TRAK1: variants seen among roughly 807,000 people sequenced by gnomAD.
TRAK1 encodes trafficking kinesin protein 1, also known as trafficking kinesin-binding protein 1.
Under a neutral mutation model 92.1 loss-of-function variants are expected in TRAK1, and 33 were observed. The ratio of observed to expected loss-of-function variants is 0.36; its 90% CI spans 0.27 to 0.48. The LOEUF is 0.48. Ranked by LOEUF, TRAK1 falls within the 20% of genes least tolerant of loss-of-function variation. TRAK1 has a pLI of 0.99. For synonymous variants in TRAK1, 521 were observed against 517.3 expected, an observed-to-expected ratio of 1.01 and a Z score of -0.10; for missense variants, 1,123 against 1,257.9, an observed-to-expected ratio of 0.89 and a Z score of 1.62.
At chr3:42,094,778 A>G (rs1006273626) in intron 1 of TRAK1, among the ~76,000 whole-genome samples, 1 of 152,232 alleles carries the variant, frequency 6.6e-6, no homozygotes, top group African/African-American at 2.4e-5. Flanking sequence ...ATCGAAATGT[A>G]TTACAAGGAA....
chr3:42,220,619 C>A, intron 15 of TRAK1: 2 of 984,322 alleles, frequency 2.0e-6, no homozygotes, highest in Non-Finnish European at 2.4e-6. Flanking sequence ...AGTGCCTGCC[C>A]TGGCAGGGCC....
At chr3:42,095,332 G>A (rs1483935955) in intron 1 of TRAK1, among the ~76,000 whole-genome samples, 2 of 152,116 alleles carry the variant, frequency 1.3e-5, no homozygotes, top group African/African-American at 4.8e-5. Flanking sequence ...GGATCCTTGA[G>A]GTTTAGACCC....
At chr3:42,098,905 C>G (rs1338050969) in intron 1 of TRAK1, among the ~76,000 whole-genome samples, 1 of 151,978 alleles carries the variant, frequency 6.6e-6, no homozygotes, top group East Asian at 1.9e-4. Flanking sequence ...CCTTAGGCAC[C>G]AGCGTTGCTG....
chr3:42,119,724 C>G (rs1437692145), intron 1 of TRAK1, among the ~76,000 whole-genome samples: 10 of 152,138 alleles, frequency 6.6e-5, no homozygotes. Context: ...TCCTGTTAAC[C>G]AGGCATGTGG....
intron 14 of TRAK1, chr3:42,218,793 T>C: frequency 3.0e-6 from 3 of 985,414 alleles, no homozygotes; most frequent in Non-Finnish European, 3.6e-6. Context: ...AGAAAGCAGC[T>C]AGCAGCTAGG....
At chr3:42,103,560 T>TG (rs1450315703) in intron 1 of TRAK1, among the ~76,000 whole-genome samples, 1 of 152,102 alleles carries the variant, frequency 6.6e-6, no homozygotes, top group Non-Finnish European at 1.5e-5. Context: ...AGAGCAGTGG[T>TG]GGGGGATCGT....
At chr3:42,126,721 C>A (rs960627654) in intron 2 of TRAK1, among the ~76,000 whole-genome samples, 2 of 152,020 alleles carry the variant, frequency 1.3e-5, no homozygotes, top group Non-Finnish European at 2.9e-5. Context: ...TTAAAGATTT[C>A]TTGTAATTAT....
intron 1 of TRAK1, among the ~76,000 whole-genome samples, chr3:42,063,571 G>A (rs146114560): frequency 1.6e-4 from 24 of 152,046 alleles, no homozygotes; most frequent in East Asian, 5.8e-4. Flanking sequence ...CTGTAGCCCC[G>A]TCTCCTTGGG....
rs370481879 is a variant in TRAK1 at position 42,074,718 on chromosome 3, G to GTACA, written c.-518-12384_-518-12381dup. ...CCCAACTTTTATTTAGGTTCAGGTAGTACATGTATAGGTTTATTACATGGG... is the reference window on the plus strand; with the variant it reads ...CCCAACTTTTATTTAGGTTCAGGTAGTACATACATGTATAGGTTTATTACATGGG... On this transcript the variant is annotated intron_variant, in intron 1 of 16. Transcript: ENST00000487159. Among the ~76,000 whole-genome samples the GTACA allele has an allele frequency of 1.1e-3, 158 of 149,938 alleles. 3 individuals are homozygous for GTACA. The East Asian group carries it at 0.024, about 23-fold the overall frequency.
rs1422033958 is a variant in TRAK1 at position 42,051,401 on chromosome 3, T to C, written c.-518-35703T>C. ...AAGGTGAGGGTGGTGCAGATTTTTC[T>C]ATGGCGTTTCCTTTGATAATTCAGT... On this transcript the variant is annotated intron_variant, in intron 1 of 16. Transcript: ENST00000487159. The C allele has an allele frequency of 2.0e-5, 3 of 152,412 alleles. No homozygotes were observed. In the East Asian group the frequency reaches 5.8e-4, roughly 29 times the overall value. 9.4% of individuals were successfully genotyped at this position (152,412 alleles called of 1,614,324 possible).
chr3:42,106,632 T>C (rs1468423598), intron 1 of TRAK1, among the ~76,000 whole-genome samples: 1 of 152,380 alleles, frequency 6.6e-6, no homozygotes, highest in East Asian at 1.9e-4. Flanking sequence ...ATGTTGTATT[T>C]ATTTATTTGT....
intron 1 of TRAK1, among the ~76,000 whole-genome samples, chr3:42,054,403 G>A (rs1030598590): frequency 6.6e-6 from 1 of 152,144 alleles, no homozygotes; most frequent in African/African-American, 2.4e-5. Context: ...AGCCTTGCAA[G>A]CCAGAATCAG....
intron 1 of TRAK1, among the ~76,000 whole-genome samples, chr3:42,074,650 T>C (rs1704071085): frequency 6.6e-6 from 1 of 151,966 alleles, no homozygotes; most frequent in Non-Finnish European, 1.5e-5. Flanking sequence ...AAAATGCTTA[T>C]GATCCCAAGG....
At chr3:42,106,086 C>G (rs1206184838) in intron 1 of TRAK1, among the ~76,000 whole-genome samples, 1 of 152,182 alleles carries the variant, frequency 6.6e-6, no homozygotes, top group Non-Finnish European at 1.5e-5. Flanking sequence ...TAAAGACCAT[C>G]AATGCTAGGA....
At chr3:42,119,059 C>T (rs888461915) in intron 1 of TRAK1, among the ~76,000 whole-genome samples, 1 of 152,208 alleles carries the variant, frequency 6.6e-6, no homozygotes, top group Non-Finnish European at 1.5e-5. Context: ...TTCCCTTGTT[C>T]CATCACTCTT....
At chr3:42,087,135 A>T (rs1351454947), upstream of TRAK1, 1 of 152,686 alleles carries the variant, frequency 6.5e-6, no homozygotes, top group East Asian at 1.9e-4. Context: ...CTGGTGCACC[A>T]GAACTACCGG....
At chr3:42,144,287 A>G (rs1249564422) in intron 2 of TRAK1, among the ~76,000 whole-genome samples, 1 of 152,032 alleles carries the variant, frequency 6.6e-6, no homozygotes, top group East Asian at 1.9e-4. Flanking sequence ...AAGAAAGATT[A>G]GAGTGATGAA....
intron 2 of TRAK1, among the ~76,000 whole-genome samples, chr3:42,141,503 C>T (rs907446513): frequency 5.3e-5 from 8 of 152,054 alleles, no homozygotes; most frequent in African/African-American, 1.5e-4. Flanking sequence ...CTAGGGCTGC[C>T]GTAACAAATT....
intron 1 of TRAK1, among the ~76,000 whole-genome samples, chr3:42,095,869 A>G (rs1043615297): frequency 1.3e-5 from 2 of 152,340 alleles, no homozygotes; most frequent in East Asian, 1.9e-4. Flanking sequence ...GTTAGGTCAC[A>G]GGGGCAGAGC....
Sources: gnomAD v4.1 joint callset for allele counts (sites outside exome capture counted in the v4.1 genomes callset) on GRCh38, gnomAD v4.1.1 for gene constraint, MANE v1.5 for transcripts, NCBI Gene and HGNC (gene_info 2026-07-23, HGNC 2026-07-21) for gene names.